Variants in FRMD4B observed in about 807,000 individuals in gnomAD.
FRMD4B encodes FERM domain-containing protein 4B.
FRMD4B carries 74 observed loss-of-function variants against 141.5 expected under a neutral mutation model. That is an observed-to-expected ratio of 0.52 (90% CI 0.43 to 0.63). The LOEUF (loss-of-function observed/expected upper bound fraction) is 0.63, where lower values mean the gene tolerates loss of function less well. Ranked by LOEUF, FRMD4B falls within the 30% of genes least tolerant of loss-of-function variation. The pLI is 0.00. For synonymous variants in FRMD4B, 506 were observed against 467.9 expected, an observed-to-expected ratio of 1.08 and a Z score of -1.05; for missense variants, 1,366 against 1,253.4, an observed-to-expected ratio of 1.09 and a Z score of -1.36.
intron 7 of FRMD4B, among the ~76,000 whole-genome samples, chr3:69,237,603 G>A (rs1189640776): frequency 6.6e-6 from 1 of 151,838 alleles, no homozygotes; most frequent in Non-Finnish European, 1.5e-5. Flanking sequence ...TAGGCTTCAT[G>A]CATTTCTAGC....
In FRMD4B at chr3:69,293,880, C is replaced by CAAAAAAAAAA. The variant is rs10699871; in HGVS notation, c.417-6054_417-6045dup. ...TGGGTGACAGAGCTAGATTCTGCCT[C>CAAAAAAAAAA]AAAAAAAAAAAAAAAAAAAAAAAAA... On this transcript the variant is annotated intron_variant, in intron 4 of 22. Transcript: ENST00000398540. 2.4e-4 allele frequency among the ~76,000 whole-genome samples: 18 copies of CAAAAAAAAAA among 74,446 alleles called. 1 individual carries two copies. Among genetic ancestry groups the CAAAAAAAAAA allele is most frequent in the African/African-American group, 7.8e-4 (13 of 16,768 alleles). 48.8% of individuals were successfully genotyped at this position (74,446 alleles called of 152,430 possible).
At chr3:69,212,532 T>C (rs1190718615) in intron 11 of FRMD4B, among the ~76,000 whole-genome samples, 1 of 152,060 alleles carries the variant, frequency 6.6e-6, no homozygotes, top group Non-Finnish European at 1.5e-5. Context: ...TTCTAGACTC[T>C]GGAATGAACA....
At chr3:69,389,125 C>A (rs1704330196), upstream of FRMD4B, among the ~76,000 whole-genome samples, 1 of 151,784 alleles carries the variant, frequency 6.6e-6, no homozygotes, top group Non-Finnish European at 1.5e-5. Flanking sequence ...CCTCCGCCTC[C>A]CGGGTTCAAG....
intron 4 of FRMD4B, 32 bp downstream of exon 4, chr3:69,302,310 AG>A (rs762562866): frequency 4.2e-6 from 2 of 474,474 alleles, no homozygotes; most frequent in Non-Finnish European, 7.2e-6. Context: ...CAGCAAAAAA[AG>A]AGGGATGCTA....
chr3:69,505,600 A>C (rs1559548401), intron 1 of FRMD4B, among the ~76,000 whole-genome samples: 1 of 152,182 alleles, frequency 6.6e-6, no homozygotes, highest in South Asian at 2.1e-4. Context: ...ATATCCAGAA[A>C]AATAATTTCT....
intron 11 of FRMD4B, among the ~76,000 whole-genome samples, chr3:69,211,802 C>T (rs535425503): frequency 6.6e-6 from 1 of 152,274 alleles, no homozygotes; most frequent in East Asian, 1.9e-4. Context: ...CACAGGTCCA[C>T]ACAAACAGCT....
chr3:69,221,609 C>T (rs1241406142), intron 9 of FRMD4B, among the ~76,000 whole-genome samples: 1 of 152,176 alleles, frequency 6.6e-6, no homozygotes, highest in Non-Finnish European at 1.5e-5. Context: ...TTACCACAGT[C>T]CCCACCATTC....
At chr3:69,359,710 T>C (rs1703420823) in intron 1 of FRMD4B, among the ~76,000 whole-genome samples, 1 of 152,154 alleles carries the variant, frequency 6.6e-6, no homozygotes, top group Non-Finnish European at 1.5e-5. Flanking sequence ...ATGATAGGGG[T>C]TTCCTTTCTG....
At chr3:69,532,187 C>G (rs954474091) in intron 1 of FRMD4B, among the ~76,000 whole-genome samples, 1 of 152,146 alleles carries the variant, frequency 6.6e-6, no homozygotes, top group Admixed American at 6.5e-5. Context: ...GCCCCACATA[C>G]CCTTATCTTT....
At chr3:69,332,426 G>A (rs1472434120) in intron 1 of FRMD4B, among the ~76,000 whole-genome samples, 5 of 152,198 alleles carry the variant, frequency 3.3e-5, no homozygotes, top group Admixed American at 3.3e-4. Context: ...GCTACTCAGA[G>A]AGGGCACATG....
chr3:69,200,526 G>T, intron 11 of FRMD4B: 1 of 1,050,958 alleles, frequency 9.5e-7, no homozygotes, highest in Non-Finnish European at 1.2e-6. Context: ...AGTTTCATAA[G>T]ACACTTAGGT....
intron 1 of FRMD4B, among the ~76,000 whole-genome samples, chr3:69,465,426 T>G (rs1376332032): frequency 6.6e-6 from 1 of 152,148 alleles, no homozygotes; most frequent in Non-Finnish European, 1.5e-5. Context: ...CTTTAAGTTC[T>G]AGGGTACACA....
At chr3:69,458,187 A>C (rs1245565830) in intron 1 of FRMD4B, among the ~76,000 whole-genome samples, 1 of 152,226 alleles carries the variant, frequency 6.6e-6, no homozygotes, top group African/African-American at 2.4e-5. Flanking sequence ...GAGCCCAGAA[A>C]GTGCTCATAG....
At chr3:69,515,218 A>G (rs1343324461) in intron 1 of FRMD4B, among the ~76,000 whole-genome samples, 2 of 152,152 alleles carry the variant, frequency 1.3e-5, no homozygotes, top group Admixed American at 1.3e-4. Flanking sequence ...CTATCACGAG[A>G]ACAGGACCAA....
At chr3:69,255,686 C>G (rs1211210328) in intron 5 of FRMD4B, among the ~76,000 whole-genome samples, 2 of 152,068 alleles carry the variant, frequency 1.3e-5, no homozygotes, top group Admixed American at 6.6e-5. Flanking sequence ...CCCTATGGCT[C>G]TAGTAGAAAC....
chr3:69,187,312 G>A (rs1184268543), intron 19 of FRMD4B, among the ~76,000 whole-genome samples: 5 of 151,912 alleles, frequency 3.3e-5, no homozygotes, highest in East Asian at 3.9e-4. Context: ...TTGGGAGGCC[G>A]AGGCAGGCAG....
At chr3:69,230,821 G>A (rs1381852915) in intron 7 of FRMD4B, among the ~76,000 whole-genome samples, 2 of 151,876 alleles carry the variant, frequency 1.3e-5, no homozygotes, top group Non-Finnish European at 2.9e-5. Context: ...CAGTATAAAT[G>A]CTTAAACTGT....
At chr3:69,285,356 G>A (rs1378631916) in intron 5 of FRMD4B, among the ~76,000 whole-genome samples, 12 of 141,098 alleles carry the variant, frequency 8.5e-5, no homozygotes, top group East Asian at 2.2e-4. Flanking sequence ...GTGGCCAAGC[G>A]TATGTGTAAT....
At chr3:69,434,861 A>G (rs191643798) in intron 1 of FRMD4B, among the ~76,000 whole-genome samples, 200 of 152,292 alleles carry the variant, frequency 1.3e-3, no homozygotes, top group African/African-American at 4.4e-3. Flanking sequence ...GGCTTACAGA[A>G]CAAAATGTAT....
Sources: gnomAD v4.1 joint callset for allele counts (sites outside exome capture counted in the v4.1 genomes callset) on GRCh38, gnomAD v4.1.1 for gene constraint, MANE v1.5 for transcripts, NCBI Gene and HGNC (gene_info 2026-07-23, HGNC 2026-07-21) for gene names.